Variants in MELK observed in about 807,000 individuals in gnomAD.
MELK encodes maternal embryonic leucine zipper kinase.
MELK carries 81 observed loss-of-function variants against 85.0 expected under a neutral mutation model. The ratio of observed to expected loss-of-function variants is 0.95; its 90% CI spans 0.80 to 1.15. The LOEUF (loss-of-function observed/expected upper bound fraction) is 1.15. MELK is among the 50% of genes most tolerant of loss of function. The pLI, the probability that MELK is intolerant of heterozygous loss-of-function variation, is 0.00. For missense variants in MELK, 754 were observed against 777.5 expected, an observed-to-expected ratio of 0.97 and a Z score of 0.36; for synonymous variants, 252 against 265.0, an observed-to-expected ratio of 0.95 and a Z score of 0.48.
chr9:36,574,903 G>A (rs1821490004), intron 1 of MELK, among the ~76,000 whole-genome samples: 1 of 152,064 alleles, frequency 6.6e-6, no homozygotes, highest in Non-Finnish European at 1.5e-5. Context: ...TTGGGAGGCC[G>A]AGGCAGATGG....
intron 12 of MELK, 134 bp downstream of exon 12, chr9:36,652,011 G>T: frequency 8.3e-6 from 4 of 482,640 alleles, no homozygotes; most frequent in East Asian, 5.8e-5. Flanking sequence ...TTTTTGATGA[G>T]AAAAATGGGA....
At chr9:36,665,122 ACT>A (rs1832211475) in intron 13 of MELK, among the ~76,000 whole-genome samples, 2 of 152,184 alleles carry the variant, frequency 1.3e-5, no homozygotes, top group Admixed American at 1.3e-4. Context: ...ATGTGTATAC[ACT>A]CAGCCTGTAT....
chr9:36,667,636 CTAT>C (rs1159113686), intron 14 of MELK, among the ~76,000 whole-genome samples: 1 of 152,272 alleles, frequency 6.6e-6, no homozygotes, highest in East Asian at 1.9e-4. Flanking sequence ...TTGGTCAAAG[CTAT>C]TATTGGTTGT....
At chr9:36,575,213 A>G (rs1320842521) in intron 1 of MELK, among the ~76,000 whole-genome samples, 1 of 152,204 alleles carries the variant, frequency 6.6e-6, no homozygotes, top group Non-Finnish European at 1.5e-5. Context: ...AAGGGCACTC[A>G]GGTGTCTGAT....
At chr9:36,648,313 C>T (rs1196190880) in intron 11 of MELK, among the ~76,000 whole-genome samples, 1 of 152,152 alleles carries the variant, frequency 6.6e-6, no homozygotes, top group Non-Finnish European at 1.5e-5. Flanking sequence ...AAGCTAAGTG[C>T]TTGCAGTGAG....
intron 11 of MELK, among the ~76,000 whole-genome samples, chr9:36,644,739 T>C (rs968842576): frequency 2.0e-5 from 3 of 152,162 alleles, no homozygotes; most frequent in African/African-American, 4.8e-5. Flanking sequence ...AATGTTATTA[T>C]AGAAAAATTT....
chr9:36,659,609 G>A (rs945042110), intron 13 of MELK, among the ~76,000 whole-genome samples: 12 of 152,150 alleles, frequency 7.9e-5, no homozygotes, highest in Non-Finnish European at 1.5e-4. Flanking sequence ...AATGCTTGGC[G>A]AGGTTTCCTT....
At chr9:36,632,029 C>T (rs1379958931) in intron 9 of MELK, among the ~76,000 whole-genome samples, 6 of 152,198 alleles carry the variant, frequency 3.9e-5, no homozygotes, top group Non-Finnish European at 8.8e-5. Flanking sequence ...AGTTGATGTA[C>T]TATTGAATGG....
chr9:36,603,330 G>C (rs766606078), intron 7 of MELK, among the ~76,000 whole-genome samples: 1 of 152,114 alleles, frequency 6.6e-6, no homozygotes, highest in Non-Finnish European at 1.5e-5. Context: ...GATGTTCACA[G>C]TCCTGATCAT....
intron 3 of MELK, among the ~76,000 whole-genome samples, chr9:36,585,550 A>G (rs1459364110): frequency 3.3e-5 from 5 of 151,734 alleles, no homozygotes; most frequent in Admixed American, 6.6e-5. Flanking sequence ...CAAGTGATGC[A>G]CCCACCTCGG....
chr9:36,597,166 G>A, intron 5 of MELK, 56 bp from the exon 6 acceptor site: 1 of 1,441,556 alleles, frequency 6.9e-7, no homozygotes, highest in Non-Finnish European at 9.7e-7. Context: ...GGCTAGAGGT[G>A]GGATGTGATA....
chr9:36,616,427 TC>T (rs1826806175), intron 8 of MELK, among the ~76,000 whole-genome samples: 1 of 145,632 alleles, frequency 6.9e-6, no homozygotes, highest in Non-Finnish European at 1.5e-5. Flanking sequence ...CCTTACTTTG[TC>T]ACCCAGGCTG....
At chr9:36,652,840 G>A (rs1033382091) in intron 12 of MELK, among the ~76,000 whole-genome samples, 1 of 151,310 alleles carries the variant, frequency 6.6e-6, no homozygotes, top group African/African-American at 2.4e-5. Context: ...TATTTATTGT[G>A]TCTTTCCAGT....
At chr9:36,651,939 A>G (rs1421541487) in intron 12 of MELK, 62 bp downstream of exon 12, 58 of 1,410,316 alleles carry the variant, frequency 4.1e-5, no homozygotes, top group Non-Finnish European at 5.1e-5. Context: ...TGTGTATACC[A>G]CTGGGAAGGT....
intron 11 of MELK, among the ~76,000 whole-genome samples, chr9:36,651,038 T>C (rs1830653509): frequency 6.6e-6 from 1 of 152,212 alleles, no homozygotes; most frequent in Non-Finnish European, 1.5e-5. Flanking sequence ...AGAGCTGATA[T>C]TCGGCCAGCA....
rs34436735 is a variant in MELK at position 36,654,349 on chromosome 9, CTTTTTTTTTTT to C, written c.1053+2486_1053+2496del. 3.3e-4 allele frequency among the ~76,000 whole-genome samples: 28 copies of C among 84,150 alleles called. No homozygotes were observed. In the East Asian group the frequency reaches 0.01, roughly 31 times the overall value. The allele number at this position is 84,150 out of a possible 152,430, so 55.2% of individuals were successfully genotyped here. A position where few individuals can be genotyped will look rare whatever the true frequency, so the allele number is the denominator to read the frequency against. On this transcript the variant is annotated intron_variant, in intron 12 of 17. Coordinates refer to ENST00000298048, the MANE Select transcript of MELK (RefSeq NM_014791.4). ...ACATTTTCCTGAGACATTGGATTGT[CTTTTTTTTTTT>C]TTTTTTTTTTTTTGAGACAGAGTCT...
chr9:36,677,461 A>G lies in MELK; in HGVS notation c.*124A>G, dbSNP rs959490165. 1.3e-6 allele frequency: 1 copy of G among 776,980 alleles called. No homozygotes were observed. Among genetic ancestry groups the G allele is most frequent in the Admixed American group, 3.6e-5 (1 of 27,854 alleles). 48.1% of individuals were successfully genotyped at this position (776,980 alleles called of 1,614,324 possible). ...CAACTTGTTTCTAAAGAGCTATCTT[A>G]AGACCAATATCTCTTTGTTTTTAAA... On this transcript the variant is annotated 3_prime_UTR_variant, in exon 18 of 18. Coordinates refer to ENST00000298048, the MANE Select transcript of MELK (RefSeq NM_014791.4).
chr9:36,650,768 A>C (rs1002280753), intron 11 of MELK, among the ~76,000 whole-genome samples: 1 of 152,250 alleles, frequency 6.6e-6, no homozygotes, highest in Non-Finnish European at 1.5e-5. Flanking sequence ...ATAGAGGTGA[A>C]AGGAATCCCT....
At chr9:36,661,652 C>T (rs12352150) in intron 13 of MELK, among the ~76,000 whole-genome samples, 1 of 152,022 alleles carries the variant, frequency 6.6e-6, no homozygotes, top group African/African-American at 2.4e-5. Context: ...AATAACATAG[C>T]TAGGCCGGGC....
Sources: gnomAD v4.1 joint callset for allele counts (sites outside exome capture counted in the v4.1 genomes callset) on GRCh38, gnomAD v4.1.1 for gene constraint, MANE v1.5 for transcripts, NCBI Gene and HGNC (gene_info 2026-07-23, HGNC 2026-07-21) for gene names.